The following COL4A1 variants were observed in gnomAD, a reference collection of about 807,000 sequenced individuals.
COL4A1 encodes collagen type IV alpha 1 chain.
In COL4A1, 40 loss-of-function variants were observed where a neutral mutation model predicts 216.6. The observed-to-expected ratio is 0.18, with a 90% CI of 0.14 to 0.24. The LOEUF (loss-of-function observed/expected upper bound fraction) is 0.24. COL4A1 is among the 10% of genes least tolerant of loss of function. The pLI, the probability that COL4A1 is intolerant of heterozygous loss-of-function variation, is 1.00. For missense variants in COL4A1, 1,628 were observed against 2,196.8 expected (o/e 0.74, Z 5.18); for synonymous variants, 839 against 810.7 (o/e 1.03, Z -0.59).
At position 110,175,451 on chromosome 13, in the gene COL4A1, A is replaced by G; in HGVS notation, c.3059-94T>C. The G allele has an allele frequency of 1.9e-6, 3 of 1,565,732 alleles. No homozygotes were observed. In the South Asian group the frequency reaches 3.5e-5, roughly 18 times the overall value. ...CTCCACAGCCAGCCAAGAATGAGAT[A>G]CAAGAACGTGAATCCCCCACAACCA... On this transcript the variant is annotated intron_variant, in intron 36 of 51. Transcript: ENST00000375820.
At chr13:110,284,802 GA>G (rs2139304200) in intron 1 of COL4A1, among the ~76,000 whole-genome samples, 1 of 152,288 alleles carries the variant, frequency 6.6e-6, no homozygotes, top group East Asian at 1.9e-4. Context: ...CTGAACATCT[GA>G]AAAGAAGATG....
intron 1 of COL4A1, among the ~76,000 whole-genome samples, chr13:110,287,751 C>A (rs1197918414): frequency 1.3e-5 from 2 of 152,210 alleles, no homozygotes; most frequent in Non-Finnish European, 2.9e-5. Flanking sequence ...GGAGGAAGCA[C>A]ATGAGAGCCC....
intron 1 of COL4A1, among the ~76,000 whole-genome samples, chr13:110,302,557 A>G (rs1350853366): frequency 6.6e-6 from 1 of 152,170 alleles, no homozygotes; most frequent in Non-Finnish European, 1.5e-5. Context: ...ACACGGAAAG[A>G]GCGCTAGGAG....
At chr13:110,258,164 A>G (rs1882659748) in intron 1 of COL4A1, among the ~76,000 whole-genome samples, 1 of 152,244 alleles carries the variant, frequency 6.6e-6, no homozygotes, top group South Asian at 2.1e-4. Context: ...AAATTCTAGA[A>G]AACCTTTTGC....
intron 49 of COL4A1, among the ~76,000 whole-genome samples, chr13:110,160,529 C>G (rs1453885074): frequency 6.6e-6 from 1 of 152,028 alleles, no homozygotes; most frequent in African/African-American, 2.4e-5. Context: ...GAAGCTGTTA[C>G]TTTTTAAAAA....
At chr13:110,160,413 G>A (rs7987440) in intron 49 of COL4A1, among the ~76,000 whole-genome samples, 36,573 of 125,370 alleles carry the variant, frequency 0.29, 6,857 homozygotes, top group Admixed American at 0.38. Context: ...ACTGCAGTCC[G>A]CAGTCCGGCC....
chr13:110,176,047 G>T (rs1440135719), intron 36 of COL4A1, among the ~76,000 whole-genome samples: 1 of 152,208 alleles, frequency 6.6e-6, no homozygotes, highest in Non-Finnish European at 1.5e-5. Context: ...GGAGTCCGGA[G>T]AATTCTTCTG....
chr13:110,285,832 T>C (rs949233019), intron 1 of COL4A1, among the ~76,000 whole-genome samples: 5 of 152,178 alleles, frequency 3.3e-5, no homozygotes, highest in African/African-American at 1.2e-4. Flanking sequence ...TCAGCCCCCA[T>C]GGTCATGTGT....
At chr13:110,161,390 T>C (rs778122600) in intron 48 of COL4A1, 21 bp from the exon 49 acceptor site, 3 of 1,590,870 alleles carry the variant, frequency 1.9e-6, no homozygotes, top group South Asian at 1.1e-5. Context: ...AAGAAGACAA[T>C]GTGAGATGTT....
Position 110,201,206 on chromosome 13 carries a change from G to A in COL4A1, c.1084+232C>T, listed in dbSNP as rs144254494. ...CACAGGTCAAAACTAGACAAAAAGA[G>A]GGGAAGAAATAGAAAGCGTGGGGAG... On this transcript the variant is annotated intron_variant, in intron 19 of 51. Transcript: ENST00000375820. 4.2e-3 allele frequency among the ~76,000 whole-genome samples: 630 copies of A among 149,972 alleles called. 4 individuals carry two copies. The highest frequency in any genetic ancestry group is 0.014 in the African/African-American group (584 of 40,308).
In COL4A1 at chr13:110,211,946, T is replaced by A; in HGVS notation, c.388-24A>T. ...CCCTGGGGAGACAGCAGAGCATCAT[T>A]CATACGCACTGTGTGTGGCAGACAC... On this transcript the variant is annotated intron_variant, in intron 6 of 51. Transcript: ENST00000375820. This position sits in a 1 kb window ranked among gnomAD's most constrained non-coding sequence, Gnocchi z 4.3. 6.2e-7 allele frequency: 1 copy of A among 1,612,254 alleles called. No homozygotes were observed. The highest frequency in any genetic ancestry group is 1.3e-5 in the African/African-American group (1 of 74,974).
chr13:110,296,279 T>C (rs1276311383), intron 1 of COL4A1, among the ~76,000 whole-genome samples: 1 of 152,216 alleles, frequency 6.6e-6, no homozygotes, highest in African/African-American at 2.4e-5. Flanking sequence ...GGCTCCATCT[T>C]GGAATACATT....
At chr13:110,231,889 T>C (rs753409980) in intron 2 of COL4A1, among the ~76,000 whole-genome samples, 5 of 152,222 alleles carry the variant, frequency 3.3e-5, no homozygotes, top group Admixed American at 6.5e-5. Context: ...CCTAAGGCCC[T>C]AACATGCTAC....
intron 1 of COL4A1, among the ~76,000 whole-genome samples, chr13:110,257,089 T>C (rs1324820240): frequency 2.0e-5 from 3 of 152,228 alleles, no homozygotes; most frequent in African/African-American, 4.8e-5. Flanking sequence ...TTATAAAAGA[T>C]AGATTCTGAA....
In COL4A1 at chr13:110,192,255, C is replaced by T. The variant is rs773778552; in HGVS notation, c.1495G>A (p.Asp499Asn). The change falls in exon 24 of 52, where the codon GAC (aspartate) becomes AAC (asparagine). Residue 499 changes from aspartate to asparagine, a missense_variant. Physicochemically the swap from Asp to Asn is conservative, Grantham distance 23. Coordinates refer to ENST00000375820, the MANE Select transcript of COL4A1 (RefSeq NM_001845.6). ...CCATCTCTGCCAGGCAAACCTCTGT[C>T]GCCCTTGGCCCCTGGCTGCCCTGGG... ...GFPGQPGAKG[D>N]RGLPGRDGVA... is the part of the protein sequence containing the mutation. The T allele has an allele frequency of 8.1e-6, 13 of 1,614,102 alleles. No individual in the cohort carries two copies. The highest frequency in any genetic ancestry group is 1.7e-5 in the Admixed American group (1 of 60,004).
intron 45 of COL4A1, among the ~76,000 whole-genome samples, chr13:110,165,458 A>C (rs969905354): frequency 6.6e-6 from 1 of 152,094 alleles, no homozygotes; most frequent in Non-Finnish European, 1.5e-5. Flanking sequence ...CTTCTTCTGC[A>C]TGGCAAGTCT....
chr13:110,276,449 T>C (rs917547577), intron 1 of COL4A1, among the ~76,000 whole-genome samples: 3 of 152,154 alleles, frequency 2.0e-5, no homozygotes, highest in Non-Finnish European at 4.4e-5. Flanking sequence ...TGATTCTCGT[T>C]GTACCGCCAA....
intron 2 of COL4A1, among the ~76,000 whole-genome samples, chr13:110,219,876 ATGTATATATATG>A (rs1566385965): frequency 2.3e-4 from 27 of 118,894 alleles, no homozygotes; most frequent in Middle Eastern, 4.2e-3. Flanking sequence ...GTGTGTATAT[ATGTATATATATG>A]TGTGTATATA....
At chr13:110,221,198 A>G (rs1880461805) in intron 2 of COL4A1, among the ~76,000 whole-genome samples, 1 of 152,222 alleles carries the variant, frequency 6.6e-6, no homozygotes, top group Non-Finnish European at 1.5e-5. Context: ...GTCATATGTA[A>G]TCCAAAGCTA....
Sources: gnomAD v4.1 joint callset for allele counts (sites outside exome capture counted in the v4.1 genomes callset) on GRCh38, gnomAD v4.1.1 for gene constraint, Gnocchi (gnomAD v3.1) non-coding constraint, MANE v1.5 for transcripts, NCBI Gene and HGNC (gene_info 2026-07-23, HGNC 2026-07-21) for gene names.